ASIC2: variants seen among roughly 807,000 people sequenced by gnomAD.
The protein encoded by ASIC2 is acid-sensing ion channel 2.
In ASIC2, 25 loss-of-function variants were observed where a neutral mutation model predicts 57.3. The observed-to-expected ratio is 0.44, with a 90% CI of 0.32 to 0.61. ASIC2 has a LOEUF of 0.61. Among genes scored for constraint, ASIC2 ranks in the 20% least tolerant of loss-of-function variants. ASIC2 has a pLI of 0.06. For synonymous variants in ASIC2, 319 were observed against 307.5 expected (o/e 1.04, Z -0.39); for missense variants, 641 against 738.1 (o/e 0.87, Z 1.52).
At chr17:33,037,218 T>A (rs2141913313) in intron 3 of ASIC2, among the ~76,000 whole-genome samples, 1 of 150,890 alleles carries the variant, frequency 6.6e-6, no homozygotes, top group African/African-American at 2.4e-5. Context: ...TTGGAAGGAC[T>A]AATCATGCCT....
chr17:34,134,331 C>T (rs117823813), intron 1 of ASIC2, among the ~76,000 whole-genome samples: 325 of 152,298 alleles, frequency 2.1e-3, no homozygotes, highest in Non-Finnish European at 3.5e-3. Flanking sequence ...ATGGTCTTGT[C>T]AAATGCCCCA....
At chr17:33,491,170 A>G (rs1260180109) in intron 1 of ASIC2, among the ~76,000 whole-genome samples, 1 of 152,120 alleles carries the variant, frequency 6.6e-6, no homozygotes, top group East Asian at 1.9e-4. Context: ...CTCATTTGCA[A>G]TTCCCACACC....
intron 3 of ASIC2, among the ~76,000 whole-genome samples, chr17:33,067,967 G>A (rs1037137430): frequency 1.3e-5 from 2 of 152,170 alleles, no homozygotes; most frequent in Non-Finnish European, 2.9e-5. Context: ...TGTATTTGCT[G>A]CATGGGGCTC....
intron 1 of ASIC2, among the ~76,000 whole-genome samples, chr17:33,358,133 G>A (rs1283237218): frequency 6.6e-6 from 1 of 152,160 alleles, no homozygotes; most frequent in African/African-American, 2.4e-5. Context: ...AGCTAAGAAT[G>A]GATTTTGGTT....
chr17:33,938,271 C>T (rs1215945500), intron 1 of ASIC2, among the ~76,000 whole-genome samples: 1 of 152,116 alleles, frequency 6.6e-6, no homozygotes, highest in Non-Finnish European at 1.5e-5. Context: ...CTGATTTCTT[C>T]AGCTGGGGGC....
intron 1 of ASIC2, among the ~76,000 whole-genome samples, chr17:33,749,479 T>TG (rs1910365633): frequency 6.6e-6 from 1 of 152,036 alleles, no homozygotes; most frequent in South Asian, 2.1e-4. Flanking sequence ...CCTGTGGGCC[T>TG]GGGGGTCTCT....
chr17:33,824,096 G>T (rs1263425697), intron 1 of ASIC2, among the ~76,000 whole-genome samples: 1 of 152,126 alleles, frequency 6.6e-6, no homozygotes, highest in South Asian at 2.1e-4. Context: ...TGACCCACAG[G>T]AACCATTCTT....
intron 1 of ASIC2, among the ~76,000 whole-genome samples, chr17:34,022,058 C>T (rs1428910324): frequency 2.0e-5 from 3 of 152,026 alleles, no homozygotes; most frequent in Admixed American, 6.5e-5. Context: ...AGGATGGTCT[C>T]GATCTCCTGA....
chr17:33,903,562 TA>T (rs1488394475), intron 1 of ASIC2, among the ~76,000 whole-genome samples: 4 of 152,266 alleles, frequency 2.6e-5, no homozygotes, highest in Admixed American at 2.6e-4. Context: ...CAAATTTATT[TA>T]GCCCAGAATC....
At chr17:33,560,111 G>A (rs1916027414) in intron 1 of ASIC2, among the ~76,000 whole-genome samples, 2 of 152,122 alleles carry the variant, frequency 1.3e-5, no homozygotes, top group Admixed American at 6.6e-5. Flanking sequence ...TACAGCTGTC[G>A]AGGCAAGGCA....
chr17:33,620,523 T>C lies in ASIC2; in HGVS notation c.556-508456A>G, dbSNP rs545557309. 2.2e-4 allele frequency among the ~76,000 whole-genome samples: 34 copies of C among 152,332 alleles called. No individual in the cohort carries two copies. In the South Asian group the frequency reaches 7.0e-3, roughly 32 times the overall value. On this transcript the variant is annotated intron_variant, in intron 1 of 9. Coordinates refer to the ASIC2 transcript ENST00000359872. ...GCAGTGTTTTCTGAAGCTGGTGAAG[T>C]TTCCAGTGGAATCTAGTGACAGCCT... is the stretch of plus-strand genomic sequence containing the variant.
chr17:33,740,010 A>AAG (rs199728585), intron 1 of ASIC2, among the ~76,000 whole-genome samples: 1 of 151,850 alleles, frequency 6.6e-6, no homozygotes, highest in East Asian at 1.9e-4. Context: ...AAAATAAAGA[A>AAG]AGAGAGAGAG....
chr17:33,206,196 A>T (rs1360444434), intron 1 of ASIC2, among the ~76,000 whole-genome samples: 1 of 152,148 alleles, frequency 6.6e-6, no homozygotes, highest in Non-Finnish European at 1.5e-5. Flanking sequence ...CACGAAACAG[A>T]AATGCTTGCT....
intron 3 of ASIC2, among the ~76,000 whole-genome samples, chr17:33,064,684 A>C (rs558178360): frequency 4.4e-4 from 67 of 152,156 alleles, no homozygotes; most frequent in African/African-American, 1.6e-3. Flanking sequence ...CAGATCTCAA[A>C]CTCCGTGCTG....
At chr17:33,499,403 C>T (rs1914035734) in intron 1 of ASIC2, among the ~76,000 whole-genome samples, 2 of 152,168 alleles carry the variant, frequency 1.3e-5, no homozygotes, top group Admixed American at 6.5e-5. Context: ...GGGAGGGGTG[C>T]TGATGAAAGA....
At chr17:33,297,797 C>T (rs896284244), upstream of ASIC2, among the ~76,000 whole-genome samples, 2 of 150,796 alleles carry the variant, frequency 1.3e-5, no homozygotes, top group Non-Finnish European at 2.9e-5. Flanking sequence ...ACTCCAGCCT[C>T]GGGCATCAGA....
chr17:33,960,943 T>G (rs985146658), intron 1 of ASIC2, among the ~76,000 whole-genome samples: 1 of 152,000 alleles, frequency 6.6e-6, no homozygotes, highest in Non-Finnish European at 1.5e-5. Flanking sequence ...ACCCAACAAA[T>G]AAATATTTGT....
intron 1 of ASIC2, among the ~76,000 whole-genome samples, chr17:33,414,565 C>T (rs897736500): frequency 2.0e-5 from 3 of 152,124 alleles, no homozygotes; most frequent in Admixed American, 6.5e-5. Context: ...TCAAGGCCTG[C>T]CTTGGGGCTC....
In ASIC2 at chr17:33,230,003, G is replaced by A. The variant is rs867199600; in HGVS notation, c.708+61405C>T. Among the ~76,000 whole-genome samples the A allele has an allele frequency of 3.9e-5, 6 of 152,176 alleles. No individual in the cohort carries two copies. The South Asian group carries it at 8.3e-4, about 21-fold the overall frequency. On this transcript the variant is annotated intron_variant, in intron 1 of 9. Transcript: ENST00000225823. ...ATTCTGGGATTCTGGAGCCCAGATGGGGCCTGTGAACTGTGCCAGGCAGCC... is the reference window on the plus strand; with the variant it reads ...ATTCTGGGATTCTGGAGCCCAGATGAGGCCTGTGAACTGTGCCAGGCAGCC...
Sources: allele counts gnomAD v4.1 joint callset (sites outside exome capture counted in the v4.1 genomes callset), GRCh38; gene constraint gnomAD v4.1.1; transcripts MANE v1.5; gene names NCBI Gene and HGNC (gene_info 2026-07-23, HGNC 2026-07-21).